The following ELL variants were observed in gnomAD, a reference collection of about 807,000 sequenced individuals.
The protein encoded by ELL is RNA polymerase II elongation factor ELL.
Under a neutral mutation model 64.0 loss-of-function variants are expected in ELL, and 18 were observed. That is an observed-to-expected ratio of 0.28 (90% confidence interval 0.19 to 0.42). The LOEUF (loss-of-function observed/expected upper bound fraction) is 0.42. Among genes scored for constraint, ELL ranks in the 10% least tolerant of loss-of-function variants. The pLI, the probability that ELL is intolerant of heterozygous loss-of-function variation, is 1.00. For missense variants in ELL, 797 were observed against 870.4 expected (o/e 0.92, Z 1.06); for synonymous variants, 399 against 376.2 (o/e 1.06, Z -0.70).
chr19:18,453,766 C>T (rs1974592131), intron 6 of ELL, among the ~76,000 whole-genome samples: 1 of 152,106 alleles, frequency 6.6e-6, no homozygotes, highest in Admixed American at 6.5e-5. Flanking sequence ...ACTATGTTGC[C>T]CAGGCTTGTC....
rs1042338029 is a variant in ELL, at chr19:18,501,511, G to A, written c.135+20410C>T. Among the ~76,000 whole-genome samples, 3 of 152,194 alleles carry A rather than the reference G, an allele frequency of 2.0e-5. No homozygotes were observed. Among genetic ancestry groups the A allele is most frequent in the African/African-American group, 7.2e-5 (3 of 41,442 alleles). Reference sequence around the variant, plus strand: ...CAGGCCAGCCGGGGCCTTGGAGTGAGGGGCCACTGGCAGAAGGGAGCAAGA... The same window carrying A: ...CAGGCCAGCCGGGGCCTTGGAGTGAAGGGCCACTGGCAGAAGGGAGCAAGA... On this transcript the variant is annotated intron_variant, in intron 1 of 11. Coordinates refer to ENST00000262809, the MANE Select transcript of ELL (RefSeq NM_006532.4). This position sits in a 1 kb window ranked among gnomAD's most constrained non-coding sequence, Gnocchi z 4.5.
chr19:18,463,289 G>A (rs1042666541), intron 4 of ELL, among the ~76,000 whole-genome samples: 4 of 151,858 alleles, frequency 2.6e-5, no homozygotes, highest in African/African-American at 9.7e-5. Flanking sequence ...AACCTGAGGG[G>A]GGCACTGTGA....
At chr19:18,448,847 G>C (rs34010330) in intron 8 of ELL, 59,049 of 151,834 alleles carry the variant, frequency 0.39, 11,887 homozygotes, top group African/African-American at 0.51. Context: ...CCTGCTTCGG[G>C]GCCCCGGAGA....
Position 18,443,376 on chromosome 19 carries a change from C to A in ELL, c.*1376G>T, listed in dbSNP as rs1165560348. 4.6e-6 allele frequency: 1 copy of A among 219,762 alleles called. No homozygotes were observed. Among genetic ancestry groups the A allele is most frequent in the African/African-American group, 2.8e-5 (1 of 36,246 alleles). The allele number at this position is 219,762 out of a possible 1,614,324, so 13.6% of individuals were successfully genotyped here. On this transcript the variant is annotated 3_prime_UTR_variant, in exon 12 of 12. Coordinates refer to ENST00000262809, the MANE Select transcript of ELL (RefSeq NM_006532.4). ...AGCTGTCAGGAGGCACCCCTCCACC[C>A]CCCAGTTTAGAAAAATAGACATCTG...
At chr19:18,448,224 T>A (rs1041491883) in intron 8 of ELL, 5 of 152,122 alleles carry the variant, frequency 3.3e-5, no homozygotes, top group African/African-American at 1.2e-4. Flanking sequence ...GCGGAACCAC[T>A]GTGCCTGGCC....
chr19:18,457,311 C>G (rs2144906233), intron 6 of ELL, among the ~76,000 whole-genome samples: 1 of 152,298 alleles, frequency 6.6e-6, no homozygotes, highest in African/African-American at 2.4e-5. Context: ...TCTGAGGAAC[C>G]CAGGGGGCCA....
intron 1 of ELL, among the ~76,000 whole-genome samples, chr19:18,504,291 A>G (rs1975840186): frequency 6.6e-6 from 1 of 152,054 alleles, no homozygotes; most frequent in African/African-American, 2.4e-5. Flanking sequence ...CACAGAGGCC[A>G]CTCCTGCTCT....
At position 18,443,520 on chromosome 19, in the gene ELL, T is replaced by A. The variant is rs1040203139; in HGVS notation, c.*1232A>T. On this transcript the variant is annotated 3_prime_UTR_variant, in exon 12 of 12. Transcript: ENST00000262809. ...CCCCACCACCTTTCCAAGTCATGGC[T>A]TCATTCAGCCCTAAATGGGAACACA... 16 of 233,348 alleles carry A rather than the reference T, an allele frequency of 6.9e-5. No individual in the cohort carries two copies. The highest frequency in any genetic ancestry group is 1.3e-4 in the Non-Finnish European group (15 of 118,066). The allele number at this position is 233,348 out of a possible 1,614,324, so 14.5% of individuals were successfully genotyped here. A position where few individuals can be genotyped will look rare whatever the true frequency, so the allele number is the denominator to read the frequency against.
chr19:18,475,611 A>G (rs1051147780), intron 1 of ELL, among the ~76,000 whole-genome samples: 8 of 152,208 alleles, frequency 5.3e-5, no homozygotes, highest in Admixed American at 3.9e-4. Context: ...ACTGGTGGAG[A>G]GAGAATCAAA....
intron 1 of ELL, among the ~76,000 whole-genome samples, chr19:18,488,608 C>G (rs1212613152): frequency 6.6e-6 from 1 of 152,220 alleles, no homozygotes; most frequent in Non-Finnish European, 1.5e-5. Context: ...CACACACCCT[C>G]AAAAGTCTGA....
rs558376552 is a variant in ELL, at chr19:18,457,666, C to T, written c.869+539G>A. 3.9e-5 allele frequency among the ~76,000 whole-genome samples: 6 copies of T among 152,298 alleles called. No individual in the cohort carries two copies. In the South Asian group the frequency reaches 6.2e-4, roughly 16 times the overall value. On this transcript the variant is annotated intron_variant, in intron 6 of 11. Coordinates refer to ENST00000262809, the MANE Select transcript of ELL (RefSeq NM_006532.4). ...AGCAGTGGAGAAGGAAGTCATTAGC[C>T]GCCTGCCTCCTTAACCACTGCTCCC...
chr19:18,450,593 T>C lies in ELL; in HGVS notation c.1349A>G (p.Lys450Arg). 6.2e-7 allele frequency: 1 copy of C among 1,612,484 alleles called. No individual in the cohort carries two copies. The change falls in exon 8 of 12, where the codon AAG (lysine) becomes AGG (arginine). Residue 450 changes from lysine (K) to arginine (R), a missense_variant. Physicochemically the swap from Lys to Arg is conservative, Grantham distance 26. Transcript: ENST00000262809. ...CTTGTCTTTGTGCTTCTTGGACTTC[T>C]TCTTGGGCTTGCTGCGCGAGGGGCT... is the stretch of plus-strand genomic sequence containing the variant. Reference protein sequence around the residue: ...HGSPSRSKPKKKSKKHKDKER... With the variant: ...HGSPSRSKPKRKSKKHKDKER...
rs1474061942 is a variant in ELL at position 18,443,631 on chromosome 19, G to C, written c.*1121C>G. The C allele has an allele frequency of 8.6e-6, 2 of 233,328 alleles. No homozygotes were observed. Among genetic ancestry groups the C allele is most frequent in the Non-Finnish European group, 1.7e-5 (2 of 118,040 alleles). The allele number at this position is 233,328 out of a possible 1,614,324, so 14.5% of individuals were successfully genotyped here. A position where few individuals can be genotyped will look rare whatever the true frequency, so the allele number is the denominator to read the frequency against. On this transcript the variant is annotated 3_prime_UTR_variant, in exon 12 of 12. Coordinates refer to ENST00000262809, the MANE Select transcript of ELL (RefSeq NM_006532.4). ...TTGCGTGGCCCCCCGATGCTTTGGG[G>C]GACACTAGACTAGGCACAGCAACAG...
intron 1 of ELL, among the ~76,000 whole-genome samples, chr19:18,509,593 G>T (rs576111352): frequency 1.2e-5 from 1 of 83,240 alleles, no homozygotes; most frequent in Non-Finnish European, 2.9e-5. Flanking sequence ...GCGCGCGCGC[G>T]CACATACACA....
intron 1 of ELL, among the ~76,000 whole-genome samples, chr19:18,509,591 GCGCACATACACACACACACA>G (rs1164936075): frequency 0.026 from 3,197 of 121,758 alleles, 142 homozygotes; most frequent in South Asian, 0.032. Context: ...GTGCGCGCGC[GCGCACATACACACACACACA>G]CACACACACA....
intron 10 of ELL, among the ~76,000 whole-genome samples, chr19:18,445,991 CTG>C (rs951543136): frequency 1.1e-4 from 17 of 152,182 alleles, no homozygotes; most frequent in African/African-American, 3.9e-4. Context: ...GTGTCCTAGG[CTG>C]TGAGAGGACC....
rs375353585 is a variant in ELL at position 18,446,420 on chromosome 19, G to A, written c.1593C>T (p.Ala531=). 1.7e-5 allele frequency: 27 copies of A among 1,612,714 alleles called. No individual in the cohort carries two copies. The highest frequency in any genetic ancestry group is 1.6e-4 in the African/African-American group (12 of 74,910). Residue 531 remains alanine, a synonymous_variant, in exon 10 of 12, where the codon GCC becomes GCT. Transcript: ENST00000262809. ...GCAGGTCGCGGTACTCGCTGTACTC[G>A]GCATTGAAGTCGTTCTTGTAGCTCT... The part of the protein sequence containing the change: ...QRQSYKNDFN[A]EYSEYRDLHA...
chr19:18,520,573 AGGGGTGGG>A (rs1433718545), intron 1 of ELL, among the ~76,000 whole-genome samples: 2 of 152,134 alleles, frequency 1.3e-5, no homozygotes, highest in African/African-American at 4.8e-5. Flanking sequence ...GAAGCACGGA[AGGGGTGGG>A]CACCGGGAGA....
chr19:18,471,736 AG>A (rs1472877626), intron 2 of ELL, among the ~76,000 whole-genome samples: 1 of 152,224 alleles, frequency 6.6e-6, no homozygotes, highest in Admixed American at 6.5e-5. Context: ...GTCCTAAAAC[AG>A]GGGGTCAAAG....
Sources: allele counts gnomAD v4.1 joint callset (sites outside exome capture counted in the v4.1 genomes callset), GRCh38; gene constraint gnomAD v4.1.1; non-coding constraint Gnocchi (gnomAD v3.1); transcripts MANE v1.5; gene names NCBI Gene and HGNC (gene_info 2026-07-23, HGNC 2026-07-21).